Variants in NFIB observed in about 807,000 individuals in gnomAD.
The protein encoded by NFIB is nuclear factor 1 B-type.
NFIB carries 11 observed loss-of-function variants against 61.5 expected under a neutral mutation model. The ratio of observed to expected loss-of-function variants is 0.18; its 90% CI spans 0.11 to 0.30. The LOEUF is 0.30. NFIB is among the 10% of genes least tolerant of loss of function. The pLI, the probability that NFIB is intolerant of heterozygous loss-of-function variation, is 1.00. For synonymous variants in NFIB, 260 were observed against 216.5 expected (o/e 1.20, Z -1.76); for missense variants, 471 against 608.9 (o/e 0.77, Z 2.38).
chr9:14,524,283 T>C, the NFIB span, among the ~76,000 whole-genome samples: 3 of 152,170 alleles, frequency 2.0e-5, no homozygotes, highest in Non-Finnish European at 4.4e-5. Flanking sequence ...CCATTTATAT[T>C]AAACATTCAT....
intron 6 of NFIB, among the ~76,000 whole-genome samples, chr9:14,140,627 A>C (rs1225399702): frequency 1.3e-5 from 2 of 152,156 alleles, no homozygotes; most frequent in African/African-American, 4.8e-5. Context: ...TCACATTCCT[A>C]AACTCACATT....
intron 1 of NFIB, among the ~76,000 whole-genome samples, chr9:14,370,436 A>T (rs1224185023): frequency 6.6e-6 from 1 of 152,216 alleles, no homozygotes; most frequent in Non-Finnish European, 1.5e-5. Context: ...AAATTAAAGG[A>T]ATAAGAGTGT....
intron 2 of NFIB, among the ~76,000 whole-genome samples, chr9:14,253,781 G>C (rs1587945599): frequency 1.3e-5 from 2 of 152,300 alleles, no homozygotes; most frequent in East Asian, 3.9e-4. Context: ...TTGCGGAATT[G>C]TTACAGTAAG....
At chr9:14,361,627 T>C (rs2061242459) in intron 1 of NFIB, 1 of 152,238 alleles carries the variant, frequency 6.6e-6, no homozygotes, top group African/African-American at 2.4e-5. Flanking sequence ...CTTTGTAGTC[T>C]AGAACAGTCT....
chr9:14,160,122 A>T (rs1045854031), intron 3 of NFIB, among the ~76,000 whole-genome samples: 5 of 152,076 alleles, frequency 3.3e-5, no homozygotes, highest in South Asian at 2.1e-4. Context: ...TGTGCTTTTT[A>T]AAAAAAATAA....
chr9:14,098,381 A>G (rs2035211250), intron 10 of NFIB, among the ~76,000 whole-genome samples: 1 of 152,226 alleles, frequency 6.6e-6, no homozygotes, highest in Non-Finnish European at 1.5e-5. Context: ...TCTCTTTTGC[A>G]TAAAGCACTC....
intron 2 of NFIB, among the ~76,000 whole-genome samples, chr9:14,192,611 T>TC (rs1248807720): frequency 6.6e-6 from 1 of 152,188 alleles, no homozygotes; most frequent in Non-Finnish European, 1.5e-5. Flanking sequence ...GGAGAGGTAT[T>TC]CCTTCCCTCC....
upstream of NFIB, among the ~76,000 whole-genome samples, chr9:14,401,481 C>T (rs1050593877): frequency 3.3e-5 from 5 of 152,170 alleles, no homozygotes; most frequent in Non-Finnish European, 7.4e-5. Context: ...CCTAGGGCAG[C>T]GTCTATCTTA....
chr9:14,238,321 G>A (rs974757396), intron 2 of NFIB, among the ~76,000 whole-genome samples: 1 of 152,080 alleles, frequency 6.6e-6, no homozygotes, highest in Non-Finnish European at 1.5e-5. Context: ...CACAGCACCT[G>A]GAAGTCACCA....
intron 1 of NFIB, among the ~76,000 whole-genome samples, chr9:14,381,042 C>G (rs1280192184): frequency 7.2e-6 from 1 of 138,190 alleles, no homozygotes; most frequent in Non-Finnish European, 1.5e-5. Context: ...CCACTGCACT[C>G]CAGCCTGGGC....
intron 9 of NFIB, among the ~76,000 whole-genome samples, chr9:14,115,643 G>A (rs2038015426): frequency 6.6e-6 from 1 of 152,154 alleles, no homozygotes; most frequent in African/African-American, 2.4e-5. Context: ...TGCAGATAGT[G>A]AAAGTACAGG....
At chr9:14,296,147 C>T (rs754384305) in intron 2 of NFIB, among the ~76,000 whole-genome samples, 7 of 152,188 alleles carry the variant, frequency 4.6e-5, no homozygotes, top group Admixed American at 1.3e-4. Context: ...GCTTCATATC[C>T]AGTCATTCCT....
chr9:14,449,784 A>G, the NFIB span, among the ~76,000 whole-genome samples: 7 of 151,856 alleles, frequency 4.6e-5, no homozygotes, highest in Non-Finnish European at 8.8e-5. Context: ...ACAAAAAAAA[A>G]TTAGCCAGAC....
intron 2 of NFIB, among the ~76,000 whole-genome samples, chr9:14,248,564 C>A (rs2055205950): frequency 6.6e-6 from 1 of 152,180 alleles, no homozygotes. Context: ...AGCCACCACG[C>A]CCGGCCTCTA....
At chr9:14,509,221 C>T in the NFIB span, among the ~76,000 whole-genome samples, 1 of 152,126 alleles carries the variant, frequency 6.6e-6, no homozygotes, top group African/African-American at 2.4e-5. Flanking sequence ...AAATCAGACA[C>T]TTTCTGGATA....
chr9:14,259,818 T>C (rs1398113952), intron 2 of NFIB, among the ~76,000 whole-genome samples: 1 of 152,134 alleles, frequency 6.6e-6, no homozygotes, highest in Non-Finnish European at 1.5e-5. Flanking sequence ...GGCACGAGAA[T>C]CGCTTGAACC....
chr9:14,199,930 T>C (rs981152096), intron 2 of NFIB, among the ~76,000 whole-genome samples: 1 of 152,224 alleles, frequency 6.6e-6, no homozygotes, highest in Admixed American at 6.5e-5. Flanking sequence ...AAATCACCAC[T>C]TTCTGAGTCT....
chr9:14,191,506 A>G (rs2047943998), intron 2 of NFIB, among the ~76,000 whole-genome samples: 1 of 152,194 alleles, frequency 6.6e-6, no homozygotes, highest in Non-Finnish European at 1.5e-5. Flanking sequence ...AACTGAGAGT[A>G]TACTGGTGCA....
chr9:14,221,741 T>C (rs1217958195), intron 2 of NFIB, among the ~76,000 whole-genome samples: 1 of 152,256 alleles, frequency 6.6e-6, no homozygotes, highest in Non-Finnish European at 1.5e-5. Context: ...CCAGCCTCCC[T>C]TGGAATCCAT....
Sources: allele counts gnomAD v4.1 joint callset (sites outside exome capture counted in the v4.1 genomes callset), GRCh38; gene constraint gnomAD v4.1.1; transcripts MANE v1.5; gene names NCBI Gene and HGNC (gene_info 2026-07-23, HGNC 2026-07-21).